The following SDK1 variants were observed in gnomAD, a reference collection of about 807,000 sequenced individuals.
The protein encoded by SDK1 is sidekick cell adhesion molecule 1, also known as protein sidekick-1.
Under a neutral mutation model 245.5 loss-of-function variants are expected in SDK1, and 157 were observed. The observed-to-expected ratio is 0.64, with a 90% CI of 0.56 to 0.73. The LOEUF (loss-of-function observed/expected upper bound fraction) is 0.73, where lower values mean the gene tolerates loss of function less well. SDK1 is among the 30% of genes least tolerant of loss of function. SDK1 has a pLI of 0.00. For synonymous variants in SDK1, 1,647 were observed against 1,278.5 expected (o/e 1.29, Z -6.15); for missense variants, 3,583 against 3,002.3 (o/e 1.19, Z -4.52).
chr7:3,588,202 A>G lies in SDK1; in HGVS notation c.299-30878A>G, dbSNP rs151079929. Among the ~76,000 whole-genome samples the G allele has an allele frequency of 9.3e-4, 142 of 152,354 alleles. 1 individual carries two copies. Among genetic ancestry groups the G allele is most frequent in the African/African-American group, 3.2e-3 (135 of 41,586 alleles). On this transcript the variant is annotated intron_variant, in intron 1 of 44. Coordinates refer to ENST00000404826, the MANE Select transcript of SDK1 (RefSeq NM_152744.4). ...TGTCAGTCAAATATAAGGTTTCTTC[A>G]AGCAAAACATACCTGTTACTTAGGT...
intron 1 of SDK1, among the ~76,000 whole-genome samples, chr7:3,506,625 T>C (rs1419152369): frequency 6.6e-6 from 1 of 152,180 alleles, no homozygotes; most frequent in Non-Finnish European, 1.5e-5. Flanking sequence ...ACTGAGAGTG[T>C]TTATTTCTTA....
chr7:4,068,983 A>G (rs1365428265), intron 20 of SDK1, among the ~76,000 whole-genome samples: 4 of 152,074 alleles, frequency 2.6e-5, no homozygotes, highest in African/African-American at 9.7e-5. Context: ...CAGCCTCCCA[A>G]AGTGCTGGGA....
intron 1 of SDK1, among the ~76,000 whole-genome samples, chr7:3,615,799 C>A (rs1218548546): frequency 1.4e-5 from 2 of 147,774 alleles, no homozygotes; most frequent in Non-Finnish European, 3.1e-5. Context: ...TCCACGCCCT[C>A]TTTTTTTCCT....
chr7:3,305,619 A>G (rs969944093), intron 1 of SDK1, among the ~76,000 whole-genome samples: 1 of 152,284 alleles, frequency 6.6e-6, no homozygotes, highest in African/African-American at 2.4e-5. Context: ...TTGAGTTTCA[A>G]CTGGAACTTG....
At chr7:3,995,403 C>G (rs1784627031) in intron 14 of SDK1, among the ~76,000 whole-genome samples, 1 of 151,980 alleles carries the variant, frequency 6.6e-6, no homozygotes, top group South Asian at 2.1e-4. Context: ...TGTCCCCATC[C>G]CCTCCCTTGG....
chr7:4,176,817 T>C (rs948407980), intron 34 of SDK1, among the ~76,000 whole-genome samples: 5 of 152,180 alleles, frequency 3.3e-5, no homozygotes, highest in Admixed American at 3.3e-4. Context: ...CATCAGAATC[T>C]GAGTCAAGAC....
rs1255406192 is a variant in SDK1, at chr7:4,208,199, C to T, written c.5315C>T (p.Thr1772Ile). ...VVRLKNLTSH[T>I]KYLVSISAFN... ...AGGCTGAAGAACCTGACCAGCCATACCAAGTACCTGGTCAGCATATCAGCC... is the reference window on the plus strand; with the variant it reads ...AGGCTGAAGAACCTGACCAGCCATATCAAGTACCTGGTCAGCATATCAGCC... The change falls in exon 37 of 45, where the codon ACC (threonine) becomes ATC (isoleucine). Residue 1772 changes from threonine (T) to isoleucine (I), a missense_variant. Physicochemically the swap from Thr to Ile is moderately conservative, Grantham distance 89. Coordinates refer to ENST00000404826, the MANE Select transcript of SDK1 (RefSeq NM_152744.4). 1.4e-5 allele frequency: 22 copies of T among 1,614,048 alleles called. No homozygotes were observed. Among genetic ancestry groups the T allele is most frequent in the Non-Finnish European group, 1.9e-5 (22 of 1,179,936 alleles).
At position 4,267,635 on chromosome 7, in the gene SDK1, G is replaced by C. The variant is rs1380222362; in HGVS notation, c.*2251G>C. 1 of 985,332 alleles carries C rather than the reference G, an allele frequency of 1.0e-6. No individual in the cohort carries two copies. Among genetic ancestry groups the C allele is most frequent in the Non-Finnish European group, 1.2e-6 (1 of 829,950 alleles). The allele number at this position is 985,332 out of a possible 1,614,324, so 61.0% of individuals were successfully genotyped here. On this transcript the variant is annotated 3_prime_UTR_variant, in exon 45 of 45. Transcript: ENST00000404826. ...CTGCTCTCTGCAGCCATGAGGATGT[G>C]GCTTTACATGCCAGGGAGAGTGTTG...
chr7:4,266,419 C>A lies in SDK1; in HGVS notation c.*1035C>A. Reference sequence around the variant, plus strand: ...CAGCTCTGAGAACACACGCTCCCGACTCGCCTCGTGCACACCAGGCCGTCC... The same window carrying A: ...CAGCTCTGAGAACACACGCTCCCGAATCGCCTCGTGCACACCAGGCCGTCC... On this transcript the variant is annotated 3_prime_UTR_variant, in exon 45 of 45. Coordinates refer to ENST00000404826, the MANE Select transcript of SDK1 (RefSeq NM_152744.4). 1 of 985,386 alleles carries A rather than the reference C, an allele frequency of 1.0e-6. No homozygotes were observed. Among genetic ancestry groups the A allele is most frequent in the South Asian group, 4.7e-5 (1 of 21,278 alleles). 61.0% of individuals were successfully genotyped at this position (985,386 alleles called of 1,614,324 possible). A position where few individuals can be genotyped will look rare whatever the true frequency, so the allele number is the denominator to read the frequency against.
chr7:3,810,619 A>G (rs751543973), intron 4 of SDK1, among the ~76,000 whole-genome samples: 90 of 152,238 alleles, frequency 5.9e-4, no homozygotes, highest in Non-Finnish European at 9.8e-4. Context: ...ATTCTGGGCA[A>G]AAATCCCTGA....
intron 1 of SDK1, among the ~76,000 whole-genome samples, chr7:3,499,846 G>GT (rs1237167054): frequency 1.3e-5 from 2 of 152,150 alleles, no homozygotes; most frequent in Non-Finnish European, 2.9e-5. Flanking sequence ...TAACAGGGCT[G>GT]TTTTGAGGGT....
At chr7:3,777,957 G>A (rs569344136) in intron 4 of SDK1, among the ~76,000 whole-genome samples, 1 of 152,300 alleles carries the variant, frequency 6.6e-6, no homozygotes, top group East Asian at 1.9e-4. Context: ...GAAAGGATCA[G>A]CAGGGAATGA....
At chr7:3,486,863 C>T (rs552429304) in intron 1 of SDK1, among the ~76,000 whole-genome samples, 2 of 152,218 alleles carry the variant, frequency 1.3e-5, no homozygotes, top group East Asian at 3.9e-4. Context: ...GGGTGCATTA[C>T]TCTCTGCCTC....
rs528831206 is a variant in SDK1 at position 4,222,399 on chromosome 7, AT to A, written c.5827+1037del. ...AATCTCTGCCTCCCGGGTTCAAGCA[AT>A]TCTCCTGCCTCAGCCTCCCGAGTAG... On this transcript the variant is annotated intron_variant, in intron 40 of 44. Transcript: ENST00000404826. Among the ~76,000 whole-genome samples the A allele has an allele frequency of 2.6e-5, 4 of 152,152 alleles. No individual in the cohort carries two copies. The South Asian group carries it at 8.3e-4, about 32-fold the overall frequency.
At chr7:3,578,889 C>T (rs1354818157) in intron 1 of SDK1, among the ~76,000 whole-genome samples, 1 of 151,728 alleles carries the variant, frequency 6.6e-6, no homozygotes, top group Non-Finnish European at 1.5e-5. Flanking sequence ...ACAGTTAACC[C>T]AATCAAAGTG....
chr7:3,570,947 C>T (rs1368151688), intron 1 of SDK1, among the ~76,000 whole-genome samples: 1 of 152,008 alleles, frequency 6.6e-6, no homozygotes, highest in African/African-American at 2.4e-5. Flanking sequence ...ATGAATTTTT[C>T]TGTCAGAATA....
chr7:4,075,137 G>C (rs1028708553), intron 20 of SDK1, among the ~76,000 whole-genome samples: 3 of 151,564 alleles, frequency 2.0e-5, no homozygotes, highest in South Asian at 4.2e-4. Context: ...AGCACCACTT[G>C]GTGACAACTC....
intron 44 of SDK1, among the ~76,000 whole-genome samples, chr7:4,264,180 G>T (rs1474886014): frequency 8.1e-6 from 1 of 124,140 alleles, no homozygotes; most frequent in Non-Finnish European, 1.7e-5. Context: ...TCCTGAGTGG[G>T]GGAGGCCGCG....
At chr7:3,828,706 C>T (rs1358715767) in intron 5 of SDK1, among the ~76,000 whole-genome samples, 3 of 130,936 alleles carry the variant, frequency 2.3e-5, no homozygotes, top group Non-Finnish European at 4.6e-5. Context: ...GACTGGAGTG[C>T]AGTAGTGAGA....
Sources: gnomAD v4.1 joint callset for allele counts (sites outside exome capture counted in the v4.1 genomes callset) on GRCh38, gnomAD v4.1.1 for gene constraint, MANE v1.5 for transcripts, NCBI Gene and HGNC (gene_info 2026-07-23, HGNC 2026-07-21) for gene names.